The following SCFD2 variants were observed in gnomAD, a reference collection of about 807,000 sequenced individuals.
The protein encoded by SCFD2 is sec1 family domain containing 2.
In SCFD2, 54 loss-of-function variants were observed where a neutral mutation model predicts 58.9. The ratio of observed to expected loss-of-function variants is 0.92; its 90% confidence interval spans 0.74 to 1.15. The LOEUF is 1.15. SCFD2 is among the 50% of genes most tolerant of loss of function. The pLI, the probability that SCFD2 is intolerant of heterozygous loss-of-function variation, is 0.00. For synonymous variants in SCFD2, 321 were observed against 335.9 expected, an observed-to-expected ratio of 0.96 and a Z score of 0.49; for missense variants, 805 against 836.6, an observed-to-expected ratio of 0.96 and a Z score of 0.47.
intron 5 of SCFD2, chr4:52,949,813 C>G (rs1489263301): frequency 6.6e-6 from 1 of 152,214 alleles, no homozygotes; most frequent in Non-Finnish European, 1.5e-5. Flanking sequence ...TAAGCCAGGC[C>G]TGTAACACCA....
chr4:53,135,020 A>C (rs1725896412), intron 5 of SCFD2, among the ~76,000 whole-genome samples: 1 of 152,196 alleles, frequency 6.6e-6, no homozygotes, highest in Admixed American at 6.5e-5. Flanking sequence ...AAAACCAAAA[A>C]ACTATTCTAC....
chr4:52,980,512 G>C (rs1411727521), intron 5 of SCFD2, among the ~76,000 whole-genome samples: 1 of 152,124 alleles, frequency 6.6e-6, no homozygotes, highest in African/African-American at 2.4e-5. Flanking sequence ...AGGCCCCCAA[G>C]TTAGCTCATG....
intron 7 of SCFD2, among the ~76,000 whole-genome samples, chr4:52,892,278 C>T (rs1718895434): frequency 1.3e-5 from 2 of 152,316 alleles, no homozygotes; most frequent in South Asian, 4.1e-4. Context: ...TCCCTGCCCC[C>T]TTGTCCCCTT....
At chr4:52,975,184 C>G (rs1203193784) in intron 5 of SCFD2, among the ~76,000 whole-genome samples, 1 of 152,130 alleles carries the variant, frequency 6.6e-6, no homozygotes, top group Non-Finnish European at 1.5e-5. Context: ...TCTTATTAAA[C>G]TAAAGAGCTT....
chr4:53,219,079 G>T (rs774395634), intron 4 of SCFD2, among the ~76,000 whole-genome samples: 1 of 152,306 alleles, frequency 6.6e-6, no homozygotes, highest in East Asian at 1.9e-4. Context: ...AGGCTACTCG[G>T]GAGTCAGGGA....
In SCFD2 at chr4:52,948,458, T is replaced by A. The variant is rs1285749893; in HGVS notation, c.1562-27588A>T. ...AACTCTCAGCCTCAGTTTCTGCTTC[T>A]GTAAAGGGAGATAACTACAGTGACC... On this transcript the variant is annotated intron_variant, in intron 5 of 8. Transcript: ENST00000401642. 7 of 454,546 alleles carry A rather than the reference T, an allele frequency of 1.5e-5. No homozygotes were observed. In the East Asian group the frequency reaches 4.2e-4, roughly 27 times the overall value. 28.2% of individuals were successfully genotyped at this position (454,546 alleles called of 1,614,324 possible). A position where few individuals can be genotyped will look rare whatever the true frequency, so the allele number is the denominator to read the frequency against.
chr4:53,048,079 A>G (rs577280189), intron 5 of SCFD2, among the ~76,000 whole-genome samples: 5 of 152,312 alleles, frequency 3.3e-5, no homozygotes, highest in African/African-American at 1.2e-4. Context: ...GGCTACGCGC[A>G]GTTGCTCAGA....
In SCFD2 at chr4:53,365,175, G is replaced by A. The variant is rs147960965; in HGVS notation, c.767C>T (p.Ala256Val). The A allele has an allele frequency of 7.4e-6, 12 of 1,614,184 alleles. No individual in the cohort carries two copies. The Admixed American group carries it at 8.3e-5, about 11-fold the overall frequency. Residue 256 changes from alanine (A) to valine (V), a missense_variant, in exon 1 of 9, where the codon GCA (alanine) becomes GTA (valine). Ala to Val is a moderately conservative substitution (Grantham distance 64, BLOSUM62 0). Coordinates refer to ENST00000401642, the MANE Select transcript of SCFD2 (RefSeq NM_152540.4). The surrounding 1 kb of genome is among the most constrained non-coding windows in gnomAD (Gnocchi z 4.3). ...IAADLANYAP[A>V]KNRKKTAAGR... ...TGCAGCAGTCTTCTTCCTGTTCTTT[G>A]CAGGGGCATAATTGGCCAGATCCGC...
chr4:53,018,598 C>A (rs1233381217), intron 5 of SCFD2, among the ~76,000 whole-genome samples: 1 of 152,164 alleles, frequency 6.6e-6, no homozygotes, highest in Non-Finnish European at 1.5e-5. Context: ...AGCAGGAAAA[C>A]TCCACTGGGC....
At chr4:53,254,765 G>T (rs1050214253) in intron 4 of SCFD2, among the ~76,000 whole-genome samples, 22 of 150,392 alleles carry the variant, frequency 1.5e-4, no homozygotes, top group African/African-American at 5.1e-4. Flanking sequence ...AATTGTGGCT[G>T]GTGCCATCAG....
intron 4 of SCFD2, among the ~76,000 whole-genome samples, chr4:53,255,256 G>A (rs560956558): frequency 1.7e-3 from 225 of 133,552 alleles, no homozygotes; most frequent in African/African-American, 5.1e-3. Flanking sequence ...GGTGTTTCTC[G>A]CAGAGGGGGA....
chr4:52,891,182 T>C (rs1293709638), intron 7 of SCFD2, among the ~76,000 whole-genome samples: 4 of 152,110 alleles, frequency 2.6e-5, no homozygotes, highest in African/African-American at 9.7e-5. Context: ...ATCTCATGTT[T>C]CATTCATTTA....
intron 3 of SCFD2, among the ~76,000 whole-genome samples, chr4:53,285,142 T>C (rs1342449844): frequency 1.3e-5 from 2 of 152,088 alleles, no homozygotes. Flanking sequence ...AATAAACAGC[T>C]CTCTCCGAAG....
chr4:52,930,654 G>A (rs759675759), intron 5 of SCFD2, among the ~76,000 whole-genome samples: 5 of 152,128 alleles, frequency 3.3e-5, no homozygotes, highest in Non-Finnish European at 7.4e-5. Context: ...TGCCGTAACT[G>A]TAAACTAACA....
chr4:53,363,334 A>C (rs1734600103), intron 1 of SCFD2, among the ~76,000 whole-genome samples: 1 of 151,532 alleles, frequency 6.6e-6, no homozygotes, highest in Admixed American at 6.6e-5. Flanking sequence ...TTTTCTGTAG[A>C]GATTGAGTTT....
At chr4:53,215,802 T>A (rs1383608145) in intron 4 of SCFD2, among the ~76,000 whole-genome samples, 2 of 152,138 alleles carry the variant, frequency 1.3e-5, no homozygotes, top group East Asian at 3.8e-4. Context: ...TAGCTCTTAT[T>A]ATTTTGAGAT....
intron 5 of SCFD2, among the ~76,000 whole-genome samples, chr4:53,056,082 C>T (rs985952053): frequency 4.0e-5 from 6 of 151,406 alleles, no homozygotes; most frequent in African/African-American, 1.5e-4. Flanking sequence ...AAGATACCTT[C>T]CAAAACCAAC....
At chr4:53,231,854 CA>C (rs921171594) in intron 4 of SCFD2, among the ~76,000 whole-genome samples, 1 of 151,684 alleles carries the variant, frequency 6.6e-6, no homozygotes, top group African/African-American at 2.4e-5. Flanking sequence ...AAAAATTAAA[CA>C]AAAAATGTTA....
chr4:52,948,254 C>A (rs1720492998), intron 5 of SCFD2: 1 of 265,430 alleles, frequency 3.8e-6, no homozygotes, highest in Non-Finnish European at 7.6e-6. Context: ...CCTCTTTTGT[C>A]CCCCTGGCAC....
Sources: gnomAD v4.1 joint callset for allele counts (sites outside exome capture counted in the v4.1 genomes callset) on GRCh38, gnomAD v4.1.1 for gene constraint, Gnocchi (gnomAD v3.1) non-coding constraint, MANE v1.5 for transcripts, NCBI Gene and HGNC (gene_info 2026-07-23, HGNC 2026-07-21) for gene names.